Variants in PDS5B observed in about 807,000 individuals in gnomAD.
The protein encoded by PDS5B is sister chromatid cohesion protein PDS5 homolog B.
In PDS5B, 51 loss-of-function variants were observed where a neutral mutation model predicts 184.1. The observed-to-expected ratio is 0.28, with a 90% CI of 0.22 to 0.35. The LOEUF (loss-of-function observed/expected upper bound fraction) is 0.35, where lower values mean the gene tolerates loss of function less well. Ranked by LOEUF, PDS5B falls within the 10% of genes least tolerant of loss-of-function variation. PDS5B has a pLI of 1.00. For synonymous variants in PDS5B, 566 were observed against 569.2 expected, an observed-to-expected ratio of 0.99 and a Z score of 0.08; for missense variants, 1,180 against 1,723.3, an observed-to-expected ratio of 0.68 and a Z score of 5.58.
intron 2 of PDS5B, among the ~76,000 whole-genome samples, chr13:32,651,397 C>A (rs1950362974): frequency 6.6e-6 from 1 of 152,102 alleles, no homozygotes; most frequent in African/African-American, 2.4e-5. Context: ...TTTCTTTAGG[C>A]ATATACTTTT....
rs563759830 is a variant in PDS5B at position 32,632,792 on chromosome 13, T to C, written c.-19-15962T>C. 3.3e-5 allele frequency among the ~76,000 whole-genome samples: 5 copies of C among 152,272 alleles called. No homozygotes were observed. The East Asian group carries it at 9.6e-4, about 29-fold the overall frequency. On this transcript the variant is annotated intron_variant, in intron 1 of 34. Coordinates refer to ENST00000315596, the MANE Select transcript of PDS5B (RefSeq NM_015032.4). ...AACAAAATGTGGTATATACATATAATATTCAGTCATACAAATAATTGAAGC... is the reference window on the plus strand; with the variant it reads ...AACAAAATGTGGTATATACATATAACATTCAGTCATACAAATAATTGAAGC...
chr13:32,775,025 G>A lies in PDS5B; in HGVS notation c.4317G>A (p.Arg1439=). ...EEEVSTVNVR[R]RSAKRERR The stretch of plus-strand genomic sequence containing the variant: ...GTGACTTTCCTTTTAAGGTACGGCG[G>A]CGAAGTGCTAAAAGGGAACGGCGAT... Residue 1439 remains arginine, a synonymous_variant, in exon 35 of 35, where the codon CGG becomes CGA. Coordinates refer to ENST00000315596, the MANE Select transcript of PDS5B (RefSeq NM_015032.4). The A allele has an allele frequency of 1.9e-6, 3 of 1,612,726 alleles. No homozygotes were observed. The highest frequency in any genetic ancestry group is 2.5e-6 in the Non-Finnish European group (3 of 1,179,342).
At chr13:32,763,936 A>C (rs1176950781) in intron 30 of PDS5B, among the ~76,000 whole-genome samples, 1 of 152,198 alleles carries the variant, frequency 6.6e-6, no homozygotes, top group Non-Finnish European at 1.5e-5. Context: ...GATAAAGGTG[A>C]GACCACCCAG....
In PDS5B at chr13:32,770,532, C is replaced by T. The variant is rs1954746240; in HGVS notation, c.4036C>T (p.His1346Tyr). The T allele has an allele frequency of 6.2e-7, 1 of 1,609,016 alleles. No homozygotes were observed. Residue 1346 changes from histidine to tyrosine, a missense_variant, in exon 32 of 35, where the codon CAC becomes TAC. Physicochemically the swap from His to Tyr is moderately conservative, Grantham distance 83. Coordinates refer to ENST00000315596, the MANE Select transcript of PDS5B (RefSeq NM_015032.4). ...NTEQKSKSKQ[H>Y]RVSRRAQQRA... ...GGAACAGAAGTCCAAAAGCAAACAG[C>T]ACCGAGTGTCAAGGAGAGCACAGCA...
intron 21 of PDS5B, among the ~76,000 whole-genome samples, chr13:32,738,249 T>G (rs1953409375): frequency 6.6e-6 from 1 of 152,238 alleles, no homozygotes; most frequent in African/African-American, 2.4e-5. Context: ...GTGAAGTTGA[T>G]GAATCACGGT....
chr13:32,645,598 C>T (rs901192346), intron 1 of PDS5B, among the ~76,000 whole-genome samples: 1 of 152,000 alleles, frequency 6.6e-6, no homozygotes, highest in Non-Finnish European at 1.5e-5. Flanking sequence ...TAAGATTGAC[C>T]TGTGATTTTT....
In PDS5B at chr13:32,742,314, G is replaced by A. The variant is rs1031588016; in HGVS notation, c.2476-277G>A. On this transcript the variant is annotated intron_variant, in intron 22 of 34. Transcript: ENST00000315596. ...TTTTCTGATTAGAGAGGTTAAGCATGATTTTACTGTATGTTCTACAGGATC... is the reference window on the plus strand; with the variant it reads ...TTTTCTGATTAGAGAGGTTAAGCATAATTTTACTGTATGTTCTACAGGATC... Among the ~76,000 whole-genome samples, 6 of 152,126 alleles carry A rather than the reference G, an allele frequency of 3.9e-5. 1 individual carries two copies. The highest frequency in any genetic ancestry group is 4.8e-5 in the African/African-American group (2 of 41,434).
chr13:32,744,627 G>A (rs1337049072), intron 23 of PDS5B, among the ~76,000 whole-genome samples: 3 of 152,110 alleles, frequency 2.0e-5, no homozygotes, highest in African/African-American at 7.2e-5. Context: ...AACACAGGAA[G>A]CATCTGTTAT....
chr13:32,763,038 C>G (rs1002372629), intron 30 of PDS5B, among the ~76,000 whole-genome samples: 3 of 151,970 alleles, frequency 2.0e-5, no homozygotes, highest in Admixed American at 2.0e-4. Context: ...AATGTTTGAC[C>G]AATCTGTTTT....
intron 21 of PDS5B, among the ~76,000 whole-genome samples, chr13:32,739,739 T>C (rs545761158): frequency 2.6e-5 from 4 of 152,018 alleles, no homozygotes; most frequent in African/African-American, 9.6e-5. Context: ...CTGCTAGTTG[T>C]GTAAATGTTC....
chr13:32,700,188 A>AT (rs1951827188), intron 16 of PDS5B, among the ~76,000 whole-genome samples: 2 of 152,046 alleles, frequency 1.3e-5, no homozygotes, highest in Non-Finnish European at 2.9e-5. Flanking sequence ...ACACATTTAG[A>AT]TTTTTTCCTA....
chr13:32,602,160 G>C (rs1342836205), intron 1 of PDS5B, among the ~76,000 whole-genome samples: 1 of 151,756 alleles, frequency 6.6e-6, no homozygotes, highest in Non-Finnish European at 1.5e-5. Flanking sequence ...TGTTACATAT[G>C]TATACATATA....
At chr13:32,717,349 A>G (rs1593501517) in intron 19 of PDS5B, among the ~76,000 whole-genome samples, 1 of 150,678 alleles carries the variant, frequency 6.6e-6, no homozygotes, top group Non-Finnish European at 1.5e-5. Flanking sequence ...TGTACTAAGA[A>G]AAATTCTTCT....
At chr13:32,674,526 G>A (rs151124893) in intron 8 of PDS5B, among the ~76,000 whole-genome samples, 116 of 151,878 alleles carry the variant, frequency 7.6e-4, no homozygotes, top group African/African-American at 2.6e-3. Flanking sequence ...ATTTTCTGAA[G>A]TAAAAATATT....
At chr13:32,724,721 A>G (rs955342812) in intron 19 of PDS5B, among the ~76,000 whole-genome samples, 2 of 152,112 alleles carry the variant, frequency 1.3e-5, no homozygotes, top group African/African-American at 4.8e-5. Flanking sequence ...CTGGGACTAC[A>G]GGCGCATGTC....
chr13:32,669,873 C>G (rs1031537612), intron 7 of PDS5B, among the ~76,000 whole-genome samples: 1 of 152,054 alleles, frequency 6.6e-6, no homozygotes, highest in African/African-American at 2.4e-5. Context: ...TCCTTTTTGT[C>G]TACTTATGTT....
At chr13:32,680,823 T>TA (rs1173817248) in intron 10 of PDS5B, among the ~76,000 whole-genome samples, 4 of 152,322 alleles carry the variant, frequency 2.6e-5, no homozygotes, top group Admixed American at 2.6e-4. Flanking sequence ...GACAGGGTCT[T>TA]ACTCTGTTGC....
At chr13:32,760,742 C>T in intron 30 of PDS5B, 22 bp downstream of exon 30, 2 of 1,603,190 alleles carry the variant, frequency 1.2e-6, no homozygotes, top group Non-Finnish European at 1.7e-6. Flanking sequence ...AGAAATGCCA[C>T]AATTTACATT....
chr13:32,617,237 T>G (rs2058233133), intron 1 of PDS5B, among the ~76,000 whole-genome samples: 1 of 152,218 alleles, frequency 6.6e-6, no homozygotes, highest in South Asian at 2.1e-4. Flanking sequence ...TCTAGGGTGA[T>G]GAAATTATCC....
Sources: allele counts gnomAD v4.1 joint callset (sites outside exome capture counted in the v4.1 genomes callset), GRCh38; gene constraint gnomAD v4.1.1; transcripts MANE v1.5; gene names NCBI Gene and HGNC (gene_info 2026-07-23, HGNC 2026-07-21).